Variants in ADGRG2 observed in about 807,000 individuals in gnomAD.
ADGRG2 encodes adhesion G protein-coupled receptor G2, also known as G protein-coupled receptor 64.
A neutral mutation model predicts 74.1 loss-of-function variants in ADGRG2; 26 were observed. That is an observed-to-expected ratio of 0.35 (90% CI 0.26 to 0.49). The LOEUF is 0.49. Ranked by LOEUF, ADGRG2 falls within the 20% of genes least tolerant of loss-of-function variation. The pLI, the probability that ADGRG2 is intolerant of heterozygous loss-of-function variation, is 0.99. For missense variants in ADGRG2, 619 were observed against 763.1 expected, an observed-to-expected ratio of 0.81 and a Z score of 2.22; for synonymous variants, 296 against 295.2, an observed-to-expected ratio of 1.00 and a Z score of -0.03.
chrX:19,013,421 A>T (rs2060399399), intron 16 of ADGRG2, among the ~76,000 whole-genome samples: 1 of 112,132 alleles, frequency 8.9e-6, no homozygotes, highest in African/African-American at 3.2e-5. Flanking sequence ...TGACAACTGC[A>T]TGAAAGATAC....
chrX:19,100,516 G>A (rs2062170353), intron 1 of ADGRG2, among the ~76,000 whole-genome samples: 1 of 113,070 alleles, frequency 8.8e-6, no homozygotes. Context: ...ATATAAAATT[G>A]CAACCCCTCA....
At chrX:19,109,258 A>C (rs2062370969) in intron 1 of ADGRG2, among the ~76,000 whole-genome samples, 1 of 111,503 alleles carries the variant, frequency 9.0e-6, no homozygotes, top group African/African-American at 3.3e-5. Context: ...AGTTTAAAAA[A>C]AAATCCTACT....
chrX:19,105,283 C>T (rs943851982), intron 1 of ADGRG2, among the ~76,000 whole-genome samples: 1 of 111,726 alleles, frequency 9.0e-6, no homozygotes, highest in African/African-American at 3.3e-5. Context: ...TTAAATTAAA[C>T]TTTTATTGTA....
rs2059916893 is a variant in ADGRG2, at chrX:18,991,130, T to C, written c.2870-82A>G. 3 of 474,638 alleles carry C rather than the reference T, an allele frequency of 6.3e-6. No individual in the cohort carries two copies. The South Asian group carries it at 1.7e-4, about 26-fold the overall frequency. 39.1% of individuals were successfully genotyped at this position (474,638 alleles called of 1,213,427 possible). On this transcript the variant is annotated intron_variant, in intron 28 of 28. Coordinates refer to ENST00000379869, the MANE Select transcript of ADGRG2 (RefSeq NM_001079858.3). ...GCAAACAAACTTAGACATTGCTTTA[T>C]TCTTAAAGATGTATTTGTAAAATAT...
rs1305789532 is a variant in ADGRG2, at chrX:19,035,976, AT to A, written c.227del (p.Asp76ValfsTer4). The A allele has an allele frequency of 4.2e-6, 4 of 948,049 alleles. No individual in the cohort carries two copies. Among genetic ancestry groups the A allele is most frequent in the Non-Finnish European group, 6.0e-6 (4 of 670,308 alleles). 78.1% of individuals were successfully genotyped at this position (948,049 alleles called of 1,213,427 possible). A position where few individuals can be genotyped will look rare whatever the true frequency, so the allele number is the denominator to read the frequency against. On this transcript the variant is annotated frameshift_variant and splice_region_variant, in exon 7 of 29. Transcript: ENST00000379869. LOFTEE classifies it high-confidence loss of function. ...TPEVETTSLN[D>X]VTLSLLPSNE... ...TTGAAGGGAGTAAGCTTAAAGTAAC[AT>A]CTGAAATAAAATAATAAAAATTAGC...
At chrX:19,004,725 C>T in intron 23 of ADGRG2, 33 bp downstream of exon 23, 1 of 1,198,230 alleles carries the variant, frequency 8.3e-7, no homozygotes, top group Non-Finnish European at 1.1e-6. Flanking sequence ...AGTGCTGAGT[C>T]CTAAATCCAA....
chrX:19,003,218 G>A, intron 23 of ADGRG2, 104 bp from the exon 24 acceptor site: 1 of 561,307 alleles, frequency 1.8e-6, no homozygotes, highest in Non-Finnish European at 3.0e-6. Flanking sequence ...AGGCTGGAGT[G>A]CAGTAGCGTG....
Position 18,999,871 on chromosome X carries a change from G to A in ADGRG2, c.2320C>T (p.Pro774Ser), listed in dbSNP as rs2060090379. ...GGGCTTTGTACTCACAAGTCATCCG[G>A]TGAACCATTGGGGAATTTCCCATAG... ...GSYGKFPNGSPDDFCWINNNA... is the reference protein window; with the variant it reads ...GSYGKFPNGSSDDFCWINNNA... Residue 774 changes from proline to serine, a missense_variant, in exon 25 of 29, where the codon CCG becomes TCG. By Grantham distance (74) the Pro-to-Ser change is moderately conservative. This residue lies in a region of ADGRG2 where 221 missense variants were observed against 340.6 expected (regional missense o/e 0.65). Coordinates refer to ENST00000379869, the MANE Select transcript of ADGRG2 (RefSeq NM_001079858.3). 1 of 1,167,104 alleles carries A rather than the reference G, an allele frequency of 8.6e-7. No homozygotes were observed. The highest frequency in any genetic ancestry group is 1.8e-5 in the South Asian group (1 of 55,990).
chrX:19,019,913 A>C (rs777680440), intron 14 of ADGRG2, among the ~76,000 whole-genome samples: 1 of 111,859 alleles, frequency 8.9e-6, no homozygotes, highest in South Asian at 3.7e-4. Flanking sequence ...CTCTTCAGCA[A>C]CTCCTAAGAG....
rs1212411956 is a variant in ADGRG2 at position 19,006,495 on chromosome X, C to T, written c.1690-230G>A. Among the ~76,000 whole-genome samples the T allele has an allele frequency of 2.4e-4, 26 of 110,437 alleles. No individual in the cohort carries two copies. The Admixed American group carries it at 2.4e-3, about 10-fold the overall frequency. ...ATCGTGCATAGGAATCACTTTGGGG[C>T]CTTGTGAAAATGCACATTCTGACTC... On this transcript the variant is annotated intron_variant, in intron 20 of 28. Coordinates refer to ENST00000379869, the MANE Select transcript of ADGRG2 (RefSeq NM_001079858.3).
intron 7 of ADGRG2, 88 bp from the exon 8 acceptor site, chrX:19,033,742 T>TA (rs112203703): frequency 0.015 from 6,602 of 450,983 alleles, 324 homozygotes; most frequent in African/African-American, 0.14. Flanking sequence ...AGTGAAGTGC[T>TA]AAAAAAAAAG....
In ADGRG2 at chrX:18,999,156, C is replaced by T; in HGVS notation, c.2454G>A (p.Lys818=). The part of the protein sequence containing the change: ...VLVQLCRIKK[K]KQLGAQRKTS... ...TTTTTCGCTGGGCTCCCAGTTGCTT[C>T]TTCTTTTTAATTCGACAGAGCTGAA... The change falls in exon 26 of 29, where the codon AAG becomes AAA. Residue 818 remains lysine, a synonymous_variant. Transcript: ENST00000379869. The T allele has an allele frequency of 8.3e-7, 1 of 1,211,165 alleles. No homozygotes were observed.
chrX:19,017,964 T>C (rs767000246), intron 15 of ADGRG2, among the ~76,000 whole-genome samples: 11 of 111,702 alleles, frequency 9.8e-5, no homozygotes, highest in Non-Finnish European at 1.5e-4. Context: ...TGTTTTTTTC[T>C]ATGTATACAC....
At chrX:19,122,314 C>T (rs2062623823) in intron 1 of ADGRG2, 128 bp downstream of exon 1, 2 of 112,289 alleles carry the variant, frequency 1.8e-5, no homozygotes, top group Admixed American at 9.3e-5. Context: ...TTCGTCCCGC[C>T]GGCCCGCTGG....
chrX:19,079,229 T>C (rs1862587319), intron 2 of ADGRG2, among the ~76,000 whole-genome samples: 1 of 111,406 alleles, frequency 9.0e-6, no homozygotes, highest in Non-Finnish European at 1.9e-5. Flanking sequence ...GCACAGAAAC[T>C]CAAGAAAAAG....
chrX:19,003,122 G>C lies in ADGRG2; in HGVS notation c.1962-8C>G. 8.5e-7 allele frequency: 1 copy of C among 1,181,781 alleles called. No homozygotes were observed. The highest frequency in any genetic ancestry group is 1.1e-6 in the Non-Finnish European group (1 of 870,605). On this transcript the variant is annotated splice_polypyrimidine_tract_variant and splice_region_variant and intron_variant, in intron 23 of 28. Transcript: ENST00000379869. ...TAATCCCTCCGGATCTTTCTAAAAG[G>C]AAAGGATGAGAACAAGAATGAGCAT...
intron 28 of ADGRG2, among the ~76,000 whole-genome samples, chrX:18,991,915 G>A (rs779257173): frequency 1.3e-4 from 14 of 111,866 alleles, no homozygotes; most frequent in South Asian, 3.7e-4. Context: ...AGCCCTGCAG[G>A]GTGGGTACTA....
intron 3 of ADGRG2, among the ~76,000 whole-genome samples, chrX:19,061,605 C>G (rs772614560): frequency 3.6e-5 from 4 of 111,727 alleles, no homozygotes; most frequent in Non-Finnish European, 7.5e-5. Flanking sequence ...TCCTGAGCTG[C>G]CTTTGATATC....
At chrX:19,001,859 G>T (rs1367521306) in intron 24 of ADGRG2, among the ~76,000 whole-genome samples, 1 of 111,208 alleles carries the variant, frequency 9.0e-6, no homozygotes, top group Non-Finnish European at 1.9e-5. Flanking sequence ...TTGTGAATTG[G>T]GGGGATATCA....
Sources: allele counts gnomAD v4.1 joint callset (sites outside exome capture counted in the v4.1 genomes callset), GRCh38; gene constraint gnomAD v4.1.1; regional missense constraint gnomAD v4.1.1; transcripts MANE v1.5; gene names NCBI Gene and HGNC (gene_info 2026-07-23, HGNC 2026-07-21).